Variants in UXS1 observed in about 807,000 individuals in gnomAD.
UXS1 encodes UDP-glucuronic acid decarboxylase 1.
UXS1 carries 33 observed loss-of-function variants against 62.6 expected under a neutral mutation model. That is an observed-to-expected ratio of 0.53 (90% CI 0.40 to 0.70). The LOEUF is 0.70. Ranked by LOEUF, UXS1 falls within the 30% of genes least tolerant of loss-of-function variation. The pLI is 0.00. For synonymous variants in UXS1, 213 were observed against 206.8 expected (o/e 1.03, Z -0.26); for missense variants, 434 against 556.3 (o/e 0.78, Z 2.21).
chr2:106,104,502 G>A (rs561376508), intron 11 of UXS1, among the ~76,000 whole-genome samples: 206 of 152,224 alleles, frequency 1.4e-3, no homozygotes, highest in African/African-American at 4.5e-3. Context: ...CTCCACCTGC[G>A]CTGAAATCAC....
intron 5 of UXS1, among the ~76,000 whole-genome samples, chr2:106,146,387 G>C (rs886524302): frequency 1.3e-5 from 2 of 152,178 alleles, no homozygotes; most frequent in Non-Finnish European, 2.9e-5. Context: ...AAACTCCTAG[G>C]TCTATGGTTT....
At chr2:106,101,007 A>G (rs1396670585) in intron 12 of UXS1, 51 bp downstream of exon 12, 2 of 1,610,000 alleles carry the variant, frequency 1.2e-6, no homozygotes, top group South Asian at 2.2e-5. Context: ...GGTTTCACAA[A>G]TGAACGAAAG....
intron 7 of UXS1, among the ~76,000 whole-genome samples, chr2:106,128,472 G>A (rs1680154502): frequency 1.3e-5 from 2 of 152,244 alleles, no homozygotes; most frequent in South Asian, 4.1e-4. Flanking sequence ...TGTAGACTGC[G>A]TAGAACACAT....
chr2:106,157,593 G>C (rs74542358), intron 5 of UXS1, among the ~76,000 whole-genome samples: 3 of 152,078 alleles, frequency 2.0e-5, no homozygotes, highest in Non-Finnish European at 4.4e-5. Context: ...CATTATTCAC[G>C]ATAGCCTCAA....
chr2:106,118,870 C>A lies in UXS1; in HGVS notation c.759+4100G>T, dbSNP rs184354350. ...GACATATCCACATACTATATAGGAT[C>A]TTGACAATAAAATCACAATTTATAC... On this transcript the variant is annotated intron_variant, in intron 9 of 14. Coordinates refer to ENST00000283148, the MANE Select transcript of UXS1 (RefSeq NM_001253875.2). Among the ~76,000 whole-genome samples the A allele has an allele frequency of 1.8e-3, 270 of 152,168 alleles. 1 individual carries two copies. The highest frequency in any genetic ancestry group is 3.3e-3 in the Non-Finnish European group (226 of 67,992).
chr2:106,165,770 T>C (rs573305471), intron 2 of UXS1, among the ~76,000 whole-genome samples: 17 of 152,136 alleles, frequency 1.1e-4, no homozygotes, highest in African/African-American at 4.1e-4. Flanking sequence ...AGAAATACAA[T>C]TTACATAAGC....
At chr2:106,118,909 GTTA>G (rs1325747031) in intron 9 of UXS1, among the ~76,000 whole-genome samples, 1 of 152,190 alleles carries the variant, frequency 6.6e-6, no homozygotes, top group African/African-American at 2.4e-5. Context: ...AGGGGGATAT[GTTA>G]TTATGTATAA....
At chr2:106,173,291 G>A (rs935581921) in intron 1 of UXS1, among the ~76,000 whole-genome samples, 1 of 152,228 alleles carries the variant, frequency 6.6e-6, no homozygotes, top group Non-Finnish European at 1.5e-5. Flanking sequence ...GCTGGGTGTG[G>A]TGGCTGATGC....
rs765724929 is a variant in UXS1 at position 106,145,298 on chromosome 2, C to T, written c.364G>A (p.Val122Met). ...CTGCCCGTGAAGAAATTGTCCACCA[C>T]GGTCACCTCGTGGCCGTCCATCATG... is the stretch of plus-strand genomic sequence containing the variant. The part of the protein sequence containing the change: ...KLMMDGHEVT[V>M]VDNFFTGRKR... The change falls in exon 6 of 15, where the codon GTG (valine) becomes ATG (methionine). Residue 122 changes from valine to methionine, a missense_variant. Val to Met is a conservative substitution (Grantham distance 21). Around this residue, in one of 3 missense-constraint regions of UXS1, gnomAD observed 134 missense variants for 251.9 expected, o/e 0.53. Transcript: ENST00000283148. 4 of 1,613,868 alleles carry T rather than the reference C, an allele frequency of 2.5e-6. No individual in the cohort carries two copies. The highest frequency in any genetic ancestry group is 1.3e-5 in the African/African-American group (1 of 74,924).
At chr2:106,172,312 G>A (rs1300805871) in intron 1 of UXS1, among the ~76,000 whole-genome samples, 1 of 152,220 alleles carries the variant, frequency 6.6e-6, no homozygotes, top group Non-Finnish European at 1.5e-5. Flanking sequence ...CTGGCTAGAT[G>A]CTGGAGGACT....
intron 11 of UXS1, chr2:106,102,211 T>C (rs536031243): frequency 5.3e-5 from 8 of 152,234 alleles, no homozygotes; most frequent in Non-Finnish European, 1.0e-4. Context: ...TTCTCCTTTA[T>C]AGAAACTAGC....
At chr2:106,166,332 C>T in intron 1 of UXS1, 1 of 413,040 alleles carries the variant, frequency 2.4e-6, no homozygotes, top group South Asian at 4.0e-5. Flanking sequence ...TCAAGTTGCC[C>T]TGAATATATG....
At chr2:106,187,246 G>C (rs1036113511) in intron 1 of UXS1, among the ~76,000 whole-genome samples, 6 of 152,196 alleles carry the variant, frequency 3.9e-5, no homozygotes, top group Middle Eastern at 3.4e-3. Flanking sequence ...CCAACCCTCA[G>C]GCTCCTACAG....
chr2:106,183,165 T>C (rs1684348290), intron 1 of UXS1, among the ~76,000 whole-genome samples: 1 of 151,688 alleles, frequency 6.6e-6, no homozygotes, highest in Non-Finnish European at 1.5e-5. Context: ...TTCTTTCCCT[T>C]GGTTACAACC....
intron 8 of UXS1, 71 bp downstream of exon 8, chr2:106,125,549 A>C: frequency 7.2e-7 from 1 of 1,392,778 alleles, no homozygotes; most frequent in Non-Finnish European, 9.6e-7. Context: ...AGAACACTGG[A>C]CTCTTCTGAG....
intron 1 of UXS1, among the ~76,000 whole-genome samples, chr2:106,169,309 G>A (rs1248808432): frequency 1.3e-5 from 2 of 152,114 alleles, no homozygotes; most frequent in Admixed American, 6.5e-5. Flanking sequence ...TTGCCTTCTG[G>A]GTGGGTAGCA....
At chr2:106,103,246 G>C (rs1437046937) in intron 11 of UXS1, among the ~76,000 whole-genome samples, 1 of 152,222 alleles carries the variant, frequency 6.6e-6, no homozygotes, top group Non-Finnish European at 1.5e-5. Context: ...AATGAATTTT[G>C]CACACAATGC....
At chr2:106,120,965 G>A (rs1424917689) in intron 9 of UXS1, among the ~76,000 whole-genome samples, 1 of 152,182 alleles carries the variant, frequency 6.6e-6, no homozygotes, top group Non-Finnish European at 1.5e-5. Flanking sequence ...ATTACTCACA[G>A]TTTTCAGGGC....
At chr2:106,167,566 C>T (rs1683287374) in intron 1 of UXS1, among the ~76,000 whole-genome samples, 1 of 151,970 alleles carries the variant, frequency 6.6e-6, no homozygotes, top group Admixed American at 6.6e-5. Context: ...TTGCTAATTC[C>T]ATAGAAGCAC....
Sources: gnomAD v4.1 joint callset for allele counts (sites outside exome capture counted in the v4.1 genomes callset) on GRCh38, gnomAD v4.1.1 for gene constraint, gnomAD v4.1.1 regional missense constraint, MANE v1.5 for transcripts, NCBI Gene and HGNC (gene_info 2026-07-23, HGNC 2026-07-21) for gene names.